TNRC6A: variants seen among roughly 807,000 people sequenced by gnomAD.
The protein encoded by TNRC6A is trinucleotide repeat containing adaptor 6A.
A neutral mutation model predicts 221.2 loss-of-function variants in TNRC6A; 44 were observed. The ratio of observed to expected loss-of-function variants is 0.20; its 90% CI spans 0.16 to 0.26. TNRC6A has a LOEUF of 0.26. Among genes scored for constraint, TNRC6A ranks in the 10% least tolerant of loss-of-function variants. TNRC6A has a pLI of 1.00. For synonymous variants in TNRC6A, 847 were observed against 838.5 expected (o/e 1.01, Z -0.18); for missense variants, 2,199 against 2,404.4 (o/e 0.91, Z 1.79).
At chr16:24,728,062 C>CA (rs1272940931), upstream of TNRC6A, among the ~76,000 whole-genome samples, 2 of 152,174 alleles carry the variant, frequency 1.3e-5, no homozygotes, top group Admixed American at 1.3e-4. Flanking sequence ...TCTGTGCATT[C>CA]ATTCACTAGC....
intron 2 of TNRC6A, among the ~76,000 whole-genome samples, chr16:24,723,320 G>A (rs371437848): frequency 4.6e-5 from 7 of 152,250 alleles, no homozygotes; most frequent in East Asian, 3.9e-4. Flanking sequence ...GTGGCAGGGC[G>A]CAGTGGCTCA....
At position 24,818,998 on chromosome 16, in the gene TNRC6A, TAAAAAAA is replaced by T. The variant is rs570977428; in HGVS notation, c.5080+307_5080+313del. ...CAGACTATCTGCAGCGGAGGATCTT[TAAAAAAA>T]AAAAAAAATGCCAATCCTCATAGAC... On this transcript the variant is annotated intron_variant, in intron 21 of 24. Coordinates refer to ENST00000395799, the MANE Select transcript of TNRC6A (RefSeq NM_014494.4). 2.5e-4 allele frequency among the ~76,000 whole-genome samples: 35 copies of T among 142,344 alleles called. 1 individual carries two copies. Among genetic ancestry groups the T allele is most frequent in the Admixed American group, 1.2e-3 (17 of 14,242 alleles). 93.4% of individuals were successfully genotyped at this position (142,344 alleles called of 152,430 possible).
intron 2 of TNRC6A, among the ~76,000 whole-genome samples, chr16:24,716,669 GAA>G (rs113805730): frequency 6.6e-6 from 1 of 151,470 alleles, no homozygotes; most frequent in Non-Finnish European, 1.5e-5. Context: ...TCTCTCAAAA[GAA>G]AAAAAAGTCT....
chr16:24,660,728 CT>C lies in TNRC6A; in HGVS notation n.402+19729del, dbSNP rs138458968. 5.1e-4 allele frequency among the ~76,000 whole-genome samples: 62 copies of C among 122,532 alleles called. 2 individuals carry two copies. The highest frequency in any genetic ancestry group is 1.3e-3 in the Admixed American group (15 of 11,312). The allele number at this position is 122,532 out of a possible 152,430, so 80.4% of individuals were successfully genotyped here. On this transcript the variant is annotated intron_variant and non_coding_transcript_variant, in intron 2 of 2. Coordinates refer to the TNRC6A transcript ENST00000566108. ...GAATTCAGCTTTCTTTTTCTTTTTT[CT>C]TTTTTTTTTCTTTTTTTTTTTTTTT...
chr16:24,797,676 A>G (rs2058247800), intron 10 of TNRC6A, 106 bp downstream of exon 10: 4 of 1,035,184 alleles, frequency 3.9e-6, no homozygotes, highest in South Asian at 3.7e-5. Flanking sequence ...GTCCTTAGGA[A>G]TGTACTTGAT....
intron 2 of TNRC6A, among the ~76,000 whole-genome samples, chr16:24,735,624 C>G (rs544450687): frequency 6.6e-6 from 1 of 152,244 alleles, no homozygotes; most frequent in South Asian, 2.1e-4. Context: ...AAATGTGTAA[C>G]AACCCTCTGT....
chr16:24,707,903 A>G (rs1023485557), intron 2 of TNRC6A, among the ~76,000 whole-genome samples: 5 of 152,186 alleles, frequency 3.3e-5, no homozygotes, highest in Non-Finnish European at 5.9e-5. Context: ...TACAAAAAAT[A>G]CAAACATTAG....
chr16:24,742,975 G>A (rs1390204037), intron 2 of TNRC6A, among the ~76,000 whole-genome samples: 1 of 152,102 alleles, frequency 6.6e-6, no homozygotes, highest in Non-Finnish European at 1.5e-5. Flanking sequence ...TTAATTAGAG[G>A]TCAAGGATGA....
chr16:24,793,518 T>G lies in TNRC6A; in HGVS notation c.3221T>G (p.Val1074Gly). 6.5e-7 allele frequency: 1 copy of G among 1,544,308 alleles called. No homozygotes were observed. The highest frequency in any genetic ancestry group is 8.7e-7 in the Non-Finnish European group (1 of 1,142,976). ...GAGCCTTCTACTCCAGCCACAACTG[T>G]GGATAATGGTACTTCAGCATGGGGT... The part of the protein sequence containing the change: ...WGEPSTPATT[V>G]DNGTSAWGKP... The change falls in exon 7 of 25, where the codon GTG becomes GGG. Residue 1074 changes from valine to glycine, a missense_variant. Val to Gly is a moderately radical substitution (Grantham distance 109). This residue lies in a region of TNRC6A where 1,405 missense variants were observed against 1,400.2 expected (regional missense o/e 1.00). Coordinates refer to ENST00000395799, the MANE Select transcript of TNRC6A (RefSeq NM_014494.4).
At chr16:24,819,388 C>T (rs944000836) in intron 21 of TNRC6A, among the ~76,000 whole-genome samples, 13 of 152,110 alleles carry the variant, frequency 8.5e-5, no homozygotes, top group Non-Finnish European at 1.5e-4. Flanking sequence ...TCCATTGCTG[C>T]GAGGCAGTGT....
chr16:24,806,475 G>C (rs2058434378), intron 16 of TNRC6A, 99 bp from the exon 17 acceptor site: 2 of 1,465,832 alleles, frequency 1.4e-6, no homozygotes, highest in African/African-American at 1.4e-5. Flanking sequence ...TCACCTTTCT[G>C]CTGAGACGAA....
In TNRC6A at chr16:24,822,158, C is replaced by T; in HGVS notation, c.5373+11C>T. Reference sequence around the variant, plus strand: ...AACCTTACACCTCAGGTAAGGATACCAGATACGCTGGTTTATGTGGCTACG... The same window carrying T: ...AACCTTACACCTCAGGTAAGGATACTAGATACGCTGGTTTATGTGGCTACG... On this transcript the variant is annotated intron_variant, in intron 23 of 24. Transcript: ENST00000395799. 6.2e-7 allele frequency: 1 copy of T among 1,613,434 alleles called. No homozygotes were observed. The highest frequency in any genetic ancestry group is 8.5e-7 in the Non-Finnish European group (1 of 1,179,466).
In TNRC6A at chr16:24,804,212, C is replaced by T; in HGVS notation, c.3730C>T (p.His1244Tyr). 1 of 1,612,460 alleles carries T rather than the reference C, an allele frequency of 6.2e-7. No individual in the cohort carries two copies. The highest frequency in any genetic ancestry group is 8.5e-7 in the Non-Finnish European group (1 of 1,179,670). The change falls in exon 12 of 25, where the codon CAT (histidine) becomes TAT (tyrosine). Residue 1244 changes from histidine to tyrosine, a missense_variant. Physicochemically the swap from His to Tyr is moderately conservative, Grantham distance 83. This residue lies in a region of TNRC6A where 158 missense variants were observed against 159.1 expected (regional missense o/e 0.99). Transcript: ENST00000395799. Reference sequence around the variant, plus strand: ...AGACAAACGAATGGAGATAGATAAACATAGCCTAAATATTGGTGATTACAA... The same window carrying T: ...AGACAAACGAATGGAGATAGATAAATATAGCCTAAATATTGGTGATTACAA... ...LQDKRMEIDK[H>Y]SLNIGDYNRT...
intron 2 of TNRC6A, among the ~76,000 whole-genome samples, chr16:24,748,950 C>A (rs2057075063): frequency 6.6e-6 from 1 of 152,142 alleles, no homozygotes; most frequent in African/African-American, 2.4e-5. Flanking sequence ...TCTCAGCTCA[C>A]TGCAAGCTCC....
chr16:24,806,925 C>T (rs1423492296), intron 17 of TNRC6A, 141 bp downstream of exon 17: 11 of 774,854 alleles, frequency 1.4e-5, no homozygotes, highest in Admixed American at 6.9e-5. Flanking sequence ...AGTTGCCATC[C>T]CCTCTCCTAG....
chr16:24,624,095 G>T (rs1900832103), intron 1 of TNRC6A, among the ~76,000 whole-genome samples: 1 of 152,064 alleles, frequency 6.6e-6, no homozygotes, highest in Admixed American at 6.6e-5. Flanking sequence ...ACCTGTCTGG[G>T]CATCAGCTGG....
chr16:24,760,809 A>G (rs1329917252), intron 4 of TNRC6A, among the ~76,000 whole-genome samples: 1 of 152,204 alleles, frequency 6.6e-6, no homozygotes, highest in Non-Finnish European at 1.5e-5. Flanking sequence ...CGCTTCATTC[A>G]GTTTCCCCGA....
At chr16:24,698,736 G>A (rs562147657) in intron 2 of TNRC6A, among the ~76,000 whole-genome samples, 43 of 152,202 alleles carry the variant, frequency 2.8e-4, no homozygotes, top group African/African-American at 9.9e-4. Flanking sequence ...TTTTTTGGCA[G>A]AGTCTTGCTC....
At chr16:24,625,237 T>C (rs1900895760) in intron 1 of TNRC6A, among the ~76,000 whole-genome samples, 1 of 152,212 alleles carries the variant, frequency 6.6e-6, no homozygotes, top group Admixed American at 6.5e-5. Flanking sequence ...GCACGAGGCT[T>C]TGTTGGCAGG....
Sources: allele counts gnomAD v4.1 joint callset (sites outside exome capture counted in the v4.1 genomes callset), GRCh38; gene constraint gnomAD v4.1.1; regional missense constraint gnomAD v4.1.1; transcripts MANE v1.5; gene names NCBI Gene and HGNC (gene_info 2026-07-23, HGNC 2026-07-21).